The following SERPINA10 variants were observed in gnomAD, a reference collection of about 807,000 sequenced individuals.
SERPINA10 encodes serpin family A member 10.
SERPINA10 carries 24 observed loss-of-function variants against 28.0 expected under a neutral mutation model. The observed-to-expected ratio is 0.86, with a 90% CI of 0.62 to 1.20. SERPINA10 has a LOEUF of 1.20. Ranked by LOEUF, SERPINA10 falls within the 50% of genes most tolerant of loss-of-function variation. The pLI is 0.00. For synonymous variants in SERPINA10, 207 were observed against 203.9 expected, an observed-to-expected ratio of 1.02 and a Z score of -0.13; for missense variants, 521 against 537.7, an observed-to-expected ratio of 0.97 and a Z score of 0.31.
In SERPINA10 at chr14:94,282,261, T is replaced by C. The variant is rs1894920044; in HGVS notation, c.*1704A>G. 6.6e-6 allele frequency: 1 copy of C among 151,876 alleles called. No homozygotes were observed. Among genetic ancestry groups the C allele is most frequent in the Non-Finnish European group, 1.5e-5 (1 of 68,002 alleles). The allele number at this position is 151,876 out of a possible 1,614,324, so 9.4% of individuals were successfully genotyped here. ...AACTAATCAATAAATGAATTTTAGG[T>C]TTTTTTAAACATTAGATAGCAGACA... On this transcript the variant is annotated 3_prime_UTR_variant, in exon 5 of 5. Transcript: ENST00000261994.
chr14:94,288,115 G>A (rs1027647536), intron 3 of SERPINA10, among the ~76,000 whole-genome samples, 171 bp downstream of exon 3: 4 of 152,204 alleles, frequency 2.6e-5, no homozygotes, highest in Admixed American at 1.3e-4. Context: ...CAGGCACCCT[G>A]TGACAGATGC....
chr14:94,289,920 T>C lies in SERPINA10; in HGVS notation c.674A>G (p.Asn225Ser). The change falls in exon 2 of 5, where the codon AAT (asparagine) becomes AGT (serine). Residue 225 changes from asparagine to serine, a missense_variant. Transcript: ENST00000261994. The stretch of plus-strand genomic sequence containing the variant: ...CACAAGAATTAATTTGGTTTCAGGA[T>C]TAATCTCATCAAACAGTTTGGGAAT... ...GKIPKLFDEINPETKLILVDY... is the reference protein window; with the variant it reads ...GKIPKLFDEISPETKLILVDY... 1 of 1,614,058 alleles carries C rather than the reference T, an allele frequency of 6.2e-7. No individual in the cohort carries two copies. Among genetic ancestry groups the C allele is most frequent in the Non-Finnish European group, 8.5e-7 (1 of 1,179,956 alleles).
At position 94,288,284 on chromosome 14, in the gene SERPINA10, A is replaced by G. The variant is rs1289703253; in HGVS notation, c.992+2T>C. On this transcript the variant is annotated splice_donor_variant, in intron 3 of 4. Coordinates refer to ENST00000261994, the MANE Select transcript of SERPINA10 (RefSeq NM_001100607.3). LOFTEE classifies it high-confidence loss of function. Reference sequence around the variant, plus strand: ...TGTATAGGGTGTGGGCAAGAGTTGTACCTGGTTTTCATGTTTCTGAGCCAT... The same window carrying G: ...TGTATAGGGTGTGGGCAAGAGTTGTGCCTGGTTTTCATGTTTCTGAGCCAT... 6.2e-7 allele frequency: 1 copy of G among 1,613,488 alleles called. No individual in the cohort carries two copies. Among genetic ancestry groups the G allele is most frequent in the African/African-American group, 1.3e-5 (1 of 75,004 alleles).
At chr14:94,287,935 C>A (rs1368403805) in intron 3 of SERPINA10, among the ~76,000 whole-genome samples, 11 of 152,304 alleles carry the variant, frequency 7.2e-5, no homozygotes, top group Non-Finnish European at 1.5e-5. Flanking sequence ...TGTCCCCTTC[C>A]CTGCATTATT....
In SERPINA10 at chr14:94,281,487, T is replaced by C. The variant is rs1894900924; in HGVS notation, c.*2478A>G. ...AACTCGACACATATATAGTGAAGAC[T>C]TCTACAATGTTAAGATTTCCCCCGC... On this transcript the variant is annotated 3_prime_UTR_variant, in exon 5 of 5. Coordinates refer to ENST00000261994, the MANE Select transcript of SERPINA10 (RefSeq NM_001100607.3). 6.6e-6 allele frequency: 1 copy of C among 152,126 alleles called. No individual in the cohort carries two copies. The highest frequency in any genetic ancestry group is 2.1e-4 in the South Asian group (1 of 4,812). The allele number at this position is 152,126 out of a possible 1,614,324, so 9.4% of individuals were successfully genotyped here. A position where few individuals can be genotyped will look rare whatever the true frequency, so the allele number is the denominator to read the frequency against.
chr14:94,286,203 C>T lies in SERPINA10; in HGVS notation c.1048G>A (p.Glu350Lys), dbSNP rs1437115434. 6 of 1,614,004 alleles carry T rather than the reference C, an allele frequency of 3.7e-6. No individual in the cohort carries two copies. The South Asian group carries it at 5.5e-5, about 15-fold the overall frequency. ...FKLDQKYEMH[E>K]LLRQMGIRRI... is the part of the protein sequence containing the mutation. Reference sequence around the variant, plus strand: ...CTGATTCCCATCTGCCTAAGCAGCTCATGCATCTCATACTTCTGATCTAGC... The same window carrying T: ...CTGATTCCCATCTGCCTAAGCAGCTTATGCATCTCATACTTCTGATCTAGC... Residue 350 changes from glutamate (E) to lysine (K), a missense_variant, in exon 4 of 5, where the codon GAG (glutamate) becomes AAG (lysine). Glu to Lys is a moderately conservative substitution (Grantham distance 56). Transcript: ENST00000261994.
chr14:94,291,240 C>T (rs2139702262), intron 1 of SERPINA10, among the ~76,000 whole-genome samples: 1 of 152,254 alleles, frequency 6.6e-6, no homozygotes, highest in Admixed American at 6.5e-5. Context: ...TCCTTCCTTC[C>T]TATAGCTGCA....
chr14:94,290,436 T>C lies in SERPINA10; in HGVS notation c.158A>G (p.Gln53Arg). 2 of 1,613,736 alleles carry C rather than the reference T, an allele frequency of 1.2e-6. No homozygotes were observed. The highest frequency in any genetic ancestry group is 1.7e-6 in the Non-Finnish European group (2 of 1,179,762). Residue 53 changes from glutamine to arginine, a missense_variant, in exon 2 of 5, where the codon CAG (glutamine) becomes CGG (arginine). Gln to Arg is a conservative substitution (Grantham distance 43). Coordinates refer to ENST00000261994, the MANE Select transcript of SERPINA10 (RefSeq NM_001100607.3). Reference protein sequence around the residue: ...QAPKEEEEDEQEASEEKASEE... With the variant: ...QAPKEEEEDEREASEEKASEE... The stretch of plus-strand genomic sequence containing the variant: ...ACTGGCCTTCTCCTCGCTGGCCTCC[T>C]GCTCATCTTCCTCTTCCTCCTTGGG...
rs2139689223 is a variant in SERPINA10 at position 94,283,320 on chromosome 14, A to G, written c.*645T>C. 1 of 152,442 alleles carries G rather than the reference A, an allele frequency of 6.6e-6. No homozygotes were observed. Among genetic ancestry groups the G allele is most frequent in the South Asian group, 2.1e-4 (1 of 4,826 alleles). 9.4% of individuals were successfully genotyped at this position (152,442 alleles called of 1,614,324 possible). ...ACAGATTGCACAAACATCTTAAAAA[A>G]TATGTATCAATTTAATGCTTTTGTA... On this transcript the variant is annotated 3_prime_UTR_variant, in exon 5 of 5. Coordinates refer to ENST00000261994, the MANE Select transcript of SERPINA10 (RefSeq NM_001100607.3).
intron 3 of SERPINA10, among the ~76,000 whole-genome samples, chr14:94,286,886 A>C (rs1566718018): frequency 6.6e-6 from 1 of 152,190 alleles, no homozygotes; most frequent in African/African-American, 2.4e-5. Context: ...TTTGGGGTTC[A>C]TTGTTAGGTG....
rs1177296610 is a variant in SERPINA10, at chr14:94,283,134, A to G, written c.*831T>C. On this transcript the variant is annotated 3_prime_UTR_variant, in exon 5 of 5. Transcript: ENST00000261994. ...AGAGAGAAGCACATGACTCAAGGAG[A>G]ATGTTTACATGTGTTCCTCCCAAAG... 6.6e-6 allele frequency: 1 copy of G among 152,200 alleles called. No individual in the cohort carries two copies. The highest frequency in any genetic ancestry group is 1.5e-5 in the Non-Finnish European group (1 of 68,032). The allele number at this position is 152,200 out of a possible 1,614,324, so 9.4% of individuals were successfully genotyped here. A position where few individuals can be genotyped will look rare whatever the true frequency, so the allele number is the denominator to read the frequency against.
At chr14:94,286,317 A>G in intron 3 of SERPINA10, 59 bp from the exon 4 acceptor site, 1 of 1,588,032 alleles carries the variant, frequency 6.3e-7, no homozygotes, top group Non-Finnish European at 8.6e-7. Context: ...TGTGGACACC[A>G]AAAAGGTCAC....
In SERPINA10 at chr14:94,288,138, G is replaced by A. The variant is rs911997244; in HGVS notation, c.992+148C>T. 9.9e-5 allele frequency: 105 copies of A among 1,058,868 alleles called. 3 individuals are homozygous for A. In the South Asian group the frequency reaches 1.4e-3, roughly 14 times the overall value. The allele number at this position is 1,058,868 out of a possible 1,614,324, so 65.6% of individuals were successfully genotyped here. A position where few individuals can be genotyped will look rare whatever the true frequency, so the allele number is the denominator to read the frequency against. Reference sequence around the variant, plus strand: ...CTGTGACAGATGCTGGGGATAGAGTGGAAAAAAAGACAAATGCTGCCCTGC... The same window carrying A: ...CTGTGACAGATGCTGGGGATAGAGTAGAAAAAAAGACAAATGCTGCCCTGC... On this transcript the variant is annotated intron_variant, in intron 3 of 4. Transcript: ENST00000261994.
At position 94,290,851 on chromosome 14, in the gene SERPINA10, C is replaced by T. The variant is rs1369095795; in HGVS notation, c.-50-208G>A. Among the ~76,000 whole-genome samples the T allele has an allele frequency of 2.6e-5, 4 of 152,188 alleles. No individual in the cohort carries two copies. The East Asian group carries it at 5.8e-4, about 22-fold the overall frequency. The stretch of plus-strand genomic sequence containing the variant: ...AGCAAAACCTCCTCCAGTTCCCATT[C>T]CCTGCCAGGCCGGCAGGCAGCTCTC... On this transcript the variant is annotated intron_variant, in intron 1 of 4. Coordinates refer to ENST00000261994, the MANE Select transcript of SERPINA10 (RefSeq NM_001100607.3).
At chr14:94,284,256 G>A (rs1894969156) in intron 4 of SERPINA10, 100 bp from the exon 5 acceptor site, 2 of 1,077,528 alleles carry the variant, frequency 1.9e-6, no homozygotes, top group Admixed American at 1.9e-5. Flanking sequence ...TACCCATGGG[G>A]TCATGCTCCT....
intron 2 of SERPINA10, 84 bp downstream of exon 2, chr14:94,289,792 A>G (rs919889364): frequency 1.4e-6 from 2 of 1,391,070 alleles, no homozygotes; most frequent in African/African-American, 1.4e-5. Context: ...CGTAGCGTTA[A>G]TCATATGCTG....
Position 94,282,071 on chromosome 14 carries a change from T to C in SERPINA10, c.*1894A>G, listed in dbSNP as rs1258403507. ...AGAATTGCCTGTCCCTTCATAAGTGTCAATTAGTACTCTTGGAATGAATAC... is the reference window on the plus strand; with the variant it reads ...AGAATTGCCTGTCCCTTCATAAGTGCCAATTAGTACTCTTGGAATGAATAC... On this transcript the variant is annotated 3_prime_UTR_variant, in exon 5 of 5. Transcript: ENST00000261994. 1 of 152,532 alleles carries C rather than the reference T, an allele frequency of 6.6e-6. No individual in the cohort carries two copies. The highest frequency in any genetic ancestry group is 1.5e-5 in the Non-Finnish European group (1 of 68,016). The allele number at this position is 152,532 out of a possible 1,614,324, so 9.4% of individuals were successfully genotyped here.
chr14:94,287,010 A>G (rs184503393), intron 3 of SERPINA10, among the ~76,000 whole-genome samples: 29 of 152,288 alleles, frequency 1.9e-4, no homozygotes, highest in Admixed American at 1.6e-3. Flanking sequence ...AGCCATAGCC[A>G]TGGAATTCGT....
At chr14:94,285,146 C>T (rs1225651001) in intron 4 of SERPINA10, among the ~76,000 whole-genome samples, 1 of 152,102 alleles carries the variant, frequency 6.6e-6, no homozygotes, top group African/African-American at 2.4e-5. Flanking sequence ...AACCACACAG[C>T]TAAGGAAGAA....
Sources: allele counts gnomAD v4.1 joint callset (sites outside exome capture counted in the v4.1 genomes callset), GRCh38; gene constraint gnomAD v4.1.1; transcripts MANE v1.5; gene names NCBI Gene and HGNC (gene_info 2026-07-23, HGNC 2026-07-21).